Variants in FLVCR2 observed in about 807,000 individuals in gnomAD.
FLVCR2 encodes the protein choline/ethanolamine transporter FLVCR2.
FLVCR2 carries 38 observed loss-of-function variants against 48.9 expected under a neutral mutation model. The observed-to-expected ratio is 0.78, with a 90% CI of 0.60 to 1.02. The LOEUF (loss-of-function observed/expected upper bound fraction) is 1.02. Among genes scored for constraint, FLVCR2 ranks in the 50% least tolerant of loss-of-function variants. FLVCR2 has a pLI of 0.00. For missense variants in FLVCR2, 664 were observed against 663.3 expected (o/e 1.00, Z -0.01); for synonymous variants, 255 against 257.0 (o/e 0.99, Z 0.07).
chr14:75,620,003 G>C (rs1361530620), intron 1 of FLVCR2, among the ~76,000 whole-genome samples: 3 of 152,210 alleles, frequency 2.0e-5, no homozygotes, highest in African/African-American at 7.2e-5. Context: ...GGAAATGAAA[G>C]AGTCACAGAG....
intron 1 of FLVCR2, among the ~76,000 whole-genome samples, chr14:75,621,412 A>C (rs955194690): frequency 6.6e-6 from 1 of 151,872 alleles, no homozygotes; most frequent in Non-Finnish European, 1.5e-5. Context: ...ATTTAAAAAA[A>C]AAAAAAGAAA....
Position 75,578,704 on chromosome 14 carries a change from G to T in FLVCR2, c.-269G>T. 1 of 561,262 alleles carries T rather than the reference G, an allele frequency of 1.8e-6. No homozygotes were observed. The highest frequency in any genetic ancestry group is 3.2e-6 in the Non-Finnish European group (1 of 314,424). 34.8% of individuals were successfully genotyped at this position (561,262 alleles called of 1,614,324 possible). The stretch of plus-strand genomic sequence containing the variant: ...CCTCGTGGGGAGACCCAAGGCAGGA[G>T]CGGTCCGGAGCCGGCTGCGGCGTGT... On this transcript the variant is annotated 5_prime_UTR_variant, in exon 1 of 10. Coordinates refer to ENST00000238667, the MANE Select transcript of FLVCR2 (RefSeq NM_017791.3).
chr14:75,624,812 A>G (rs1889858308), intron 3 of FLVCR2, 60 bp downstream of exon 3: 1 of 1,575,484 alleles, frequency 6.3e-7, no homozygotes, highest in Admixed American at 1.7e-5. Context: ...GAGAGGCCTG[A>G]TGTGTCTTCA....
rs1363962546 is a variant in FLVCR2, at chr14:75,635,159, C to A, written c.1124+146C>A. ...GTTTGACTTCTCTGAGCCTCACTTTCCTCATTTATCAAATGAGGGAAGCTA... is the reference window on the plus strand; with the variant it reads ...GTTTGACTTCTCTGAGCCTCACTTTACTCATTTATCAAATGAGGGAAGCTA... On this transcript the variant is annotated intron_variant, in intron 5 of 9. Coordinates refer to ENST00000238667, the MANE Select transcript of FLVCR2 (RefSeq NM_017791.3). The A allele has an allele frequency of 7.2e-6, 5 of 698,190 alleles. No individual in the cohort carries two copies. In the African/African-American group the frequency reaches 8.8e-5, roughly 12 times the overall value. The allele number at this position is 698,190 out of a possible 1,614,324, so 43.2% of individuals were successfully genotyped here. A position where few individuals can be genotyped will look rare whatever the true frequency, so the allele number is the denominator to read the frequency against.
Position 75,605,738 on chromosome 14 carries a change from A to T in FLVCR2, c.670-16341A>T, listed in dbSNP as rs184860900. 37 of 996,000 alleles carry T rather than the reference A, an allele frequency of 3.7e-5. No homozygotes were observed. The African/African-American group carries it at 5.3e-4, about 14-fold the overall frequency. The allele number at this position is 996,000 out of a possible 1,614,324, so 61.7% of individuals were successfully genotyped here. A position where few individuals can be genotyped will look rare whatever the true frequency, so the allele number is the denominator to read the frequency against. On this transcript the variant is annotated intron_variant, in intron 1 of 9. Transcript: ENST00000238667. ...CCCTCCGATTGCTTCTCCAGAGAGG[A>T]GTTGAACACAAGTATTTTTCAGTTC... is the stretch of plus-strand genomic sequence containing the variant.
chr14:75,579,680 G>T, intron 1 of FLVCR2, 39 bp downstream of exon 1: 1 of 1,603,982 alleles, frequency 6.2e-7, no homozygotes. Flanking sequence ...AGGGGCGTGT[G>T]TTAGATTGCA....
chr14:75,632,485 G>T (rs540445841), intron 3 of FLVCR2: 228 of 607,312 alleles, frequency 3.8e-4, no homozygotes, highest in Admixed American at 1.1e-3. Flanking sequence ...CTACGGAATT[G>T]TTACAAGTAA....
At chr14:75,581,554 A>T (rs539949284) in intron 1 of FLVCR2, among the ~76,000 whole-genome samples, 38 of 151,860 alleles carry the variant, frequency 2.5e-4, no homozygotes, top group Non-Finnish European at 1.2e-4. Flanking sequence ...ATTGGACTGT[A>T]TAGAGGTGGG....
chr14:75,618,781 G>A (rs539004218), intron 1 of FLVCR2, among the ~76,000 whole-genome samples: 4 of 152,178 alleles, frequency 2.6e-5, no homozygotes, highest in African/African-American at 7.2e-5. Flanking sequence ...TTCATGGAAG[G>A]CAGCAAAGTG....
At position 75,578,847 on chromosome 14, in the gene FLVCR2, C is replaced by T. The variant is rs1888518492; in HGVS notation, c.-126C>T. ...CCCACTTGAGGCTTTTACGCAGCCT[C>T]TAGTCTCTGTTTCTTCTGGAATAGG... is the stretch of plus-strand genomic sequence containing the variant. On this transcript the variant is annotated 5_prime_UTR_variant, in exon 1 of 10. Transcript: ENST00000238667. 2.3e-6 allele frequency: 2 copies of T among 876,040 alleles called. No individual in the cohort carries two copies. The highest frequency in any genetic ancestry group is 3.7e-6 in the Non-Finnish European group (2 of 542,412). 54.3% of individuals were successfully genotyped at this position (876,040 alleles called of 1,614,324 possible).
chr14:75,599,473 G>C (rs1889110922), intron 1 of FLVCR2, among the ~76,000 whole-genome samples: 1 of 152,274 alleles, frequency 6.6e-6, no homozygotes, highest in South Asian at 2.1e-4. Context: ...TAAATAAATG[G>C]AAAGACATCC....
In FLVCR2 at chr14:75,646,429, A is replaced by G. The variant is rs2140058934; in HGVS notation, c.1538A>G (p.Asn513Ser). The G allele has an allele frequency of 6.2e-7, 1 of 1,613,986 alleles. No individual in the cohort carries two copies. The highest frequency in any genetic ancestry group is 8.5e-7 in the Non-Finnish European group (1 of 1,179,892). ...CTCCAAGAGGAGGAGGAGGAGAGCA[A>G]CACCAGCAAAGTGCCCACTGCTGTG... is the stretch of plus-strand genomic sequence containing the variant. ...NKLQEEEEESNTSKVPTAVSE... is the reference protein window; with the variant it reads ...NKLQEEEEESSTSKVPTAVSE... Residue 513 changes from asparagine (N) to serine (S), a missense_variant, in exon 10 of 10, where the codon AAC (asparagine) becomes AGC (serine). Coordinates refer to ENST00000238667, the MANE Select transcript of FLVCR2 (RefSeq NM_017791.3).
At chr14:75,581,935 G>A (rs1028895292) in intron 1 of FLVCR2, among the ~76,000 whole-genome samples, 1 of 152,210 alleles carries the variant, frequency 6.6e-6, no homozygotes, top group African/African-American at 2.4e-5. Context: ...AATAGAATGG[G>A]CCTGTGAGGC....
At chr14:75,586,204 T>TA (rs1888745216) in intron 1 of FLVCR2, among the ~76,000 whole-genome samples, 3 of 152,334 alleles carry the variant, frequency 2.0e-5, no homozygotes, top group African/African-American at 7.2e-5. Flanking sequence ...CATTAATTCT[T>TA]ACAGGTTTTG....
rs115385622 is a variant in FLVCR2 at position 75,609,285 on chromosome 14, G to A, written c.670-12794G>A. On this transcript the variant is annotated intron_variant, in intron 1 of 9. Transcript: ENST00000238667. The stretch of plus-strand genomic sequence containing the variant: ...CACTATAAGCCAGTCACACCGGAGC[G>A]GCTAATGGTGCAAATGTCAGCCCAA... 2.0e-3 allele frequency among the ~76,000 whole-genome samples: 306 copies of A among 152,226 alleles called. 1 individual carries two copies. Among genetic ancestry groups the A allele is most frequent in the African/African-American group, 6.0e-3 (249 of 41,524 alleles).
chr14:75,619,901 G>C (rs1490191457), intron 1 of FLVCR2, among the ~76,000 whole-genome samples: 1 of 152,226 alleles, frequency 6.6e-6, no homozygotes, highest in Non-Finnish European at 1.5e-5. Flanking sequence ...ATACAGTGTA[G>C]CACCAGCTGG....
intron 1 of FLVCR2, among the ~76,000 whole-genome samples, chr14:75,613,959 C>T (rs1889537017): frequency 6.6e-6 from 1 of 152,204 alleles, no homozygotes; most frequent in African/African-American, 2.4e-5. Context: ...AGCTGCCCTA[C>T]TCTGTGAACT....
In FLVCR2 at chr14:75,641,864, G is replaced by T. The variant is rs766061843; in HGVS notation, c.1475G>T (p.Arg492Leu). Residue 492 changes from arginine to leucine, a missense_variant, in exon 9 of 10, where the codon CGG becomes CTG. Transcript: ENST00000238667. Reference sequence around the variant, plus strand: ...TTAGCATTCATTAAGGCAGATCTCCGGAGACAGAAAGCAAACAAAGAAACT... The same window carrying T: ...TTAGCATTCATTAAGGCAGATCTCCTGAGACAGAAAGCAAACAAAGAAACT... ...ALTAFIKADL[R>L]RQKANKETLE... 6.2e-7 allele frequency: 1 copy of T among 1,614,064 alleles called. No homozygotes were observed. The highest frequency in any genetic ancestry group is 1.7e-5 in the Admixed American group (1 of 60,020).
Position 75,648,135 on chromosome 14 carries a change from T to C in FLVCR2, c.*1663T>C, listed in dbSNP as rs1434519990. 6.5e-6 allele frequency: 1 copy of C among 152,684 alleles called. No homozygotes were observed. Among genetic ancestry groups the C allele is most frequent in the Non-Finnish European group, 1.5e-5 (1 of 68,042 alleles). 9.5% of individuals were successfully genotyped at this position (152,684 alleles called of 1,614,324 possible). ...ATTTGTGTTTTCTATTTGTAAGATCTGACATTTCGAGGCAATAAAAACTTC... is the reference window on the plus strand; with the variant it reads ...ATTTGTGTTTTCTATTTGTAAGATCCGACATTTCGAGGCAATAAAAACTTC... On this transcript the variant is annotated 3_prime_UTR_variant, in exon 10 of 10. Coordinates refer to ENST00000238667, the MANE Select transcript of FLVCR2 (RefSeq NM_017791.3).
Sources: gnomAD v4.1 joint callset for allele counts (sites outside exome capture counted in the v4.1 genomes callset) on GRCh38, gnomAD v4.1.1 for gene constraint, MANE v1.5 for transcripts, NCBI Gene and HGNC (gene_info 2026-07-23, HGNC 2026-07-21) for gene names.